KCNQ5: variants seen among roughly 807,000 people sequenced by gnomAD.
The protein encoded by KCNQ5 is potassium voltage-gated channel subfamily KQT member 5.
KCNQ5 carries 30 observed loss-of-function variants against 98.2 expected under a neutral mutation model. The ratio of observed to expected loss-of-function variants is 0.31; its 90% CI spans 0.23 to 0.41. The LOEUF (loss-of-function observed/expected upper bound fraction) is 0.41, where lower values mean the gene tolerates loss of function less well. Among genes scored for constraint, KCNQ5 ranks in the 10% least tolerant of loss-of-function variants. The probability of loss-of-function intolerance (pLI) is 1.00; values close to 1 mark genes in which losing one functional copy is unlikely to be tolerated. For missense variants in KCNQ5, 835 were observed against 1,182.5 expected, an observed-to-expected ratio of 0.71 and a Z score of 4.31; for synonymous variants, 458 against 449.4, an observed-to-expected ratio of 1.02 and a Z score of -0.24.
intron 1 of KCNQ5, among the ~76,000 whole-genome samples, chr6:72,722,237 C>T (rs1770006449): frequency 6.6e-6 from 1 of 152,210 alleles, no homozygotes. Flanking sequence ...TAAGATAATA[C>T]AAGGCATACT....
intron 1 of KCNQ5, among the ~76,000 whole-genome samples, chr6:72,818,411 C>G (rs186074571): frequency 1.3e-5 from 2 of 151,984 alleles, no homozygotes; most frequent in Non-Finnish European, 2.9e-5. Flanking sequence ...AATAAGCATA[C>G]TGCAAGAAGA....
chr6:72,747,653 A>T (rs1771469196), intron 1 of KCNQ5, among the ~76,000 whole-genome samples: 1 of 152,200 alleles, frequency 6.6e-6, no homozygotes, highest in Non-Finnish European at 1.5e-5. Context: ...GGTTGTAAAA[A>T]TAGAAGCATA....
At chr6:73,161,246 G>A (rs1340458349) in intron 10 of KCNQ5, among the ~76,000 whole-genome samples, 1 of 152,122 alleles carries the variant, frequency 6.6e-6, no homozygotes, top group Non-Finnish European at 1.5e-5. Context: ...TCATATGTGG[G>A]ACCGAAAAAA....
At chr6:72,973,628 T>C (rs1768010792) in intron 1 of KCNQ5, among the ~76,000 whole-genome samples, 1 of 152,214 alleles carries the variant, frequency 6.6e-6, no homozygotes, top group Non-Finnish European at 1.5e-5. Context: ...TGGTTAGTTT[T>C]CTATTGCTTT....
At chr6:72,686,518 T>C (rs961420185) in intron 1 of KCNQ5, among the ~76,000 whole-genome samples, 8 of 152,202 alleles carry the variant, frequency 5.3e-5, no homozygotes, top group African/African-American at 1.9e-4. Context: ...ATCCTTTTCT[T>C]ATGTGTATGT....
chr6:72,627,163 G>A (rs1288841178), intron 1 of KCNQ5, among the ~76,000 whole-genome samples: 2 of 152,170 alleles, frequency 1.3e-5, no homozygotes, highest in African/African-American at 4.8e-5. Flanking sequence ...TGAATGAATG[G>A]AATCATTTAC....
chr6:72,762,431 A>G (rs1772337178), intron 1 of KCNQ5, among the ~76,000 whole-genome samples: 1 of 152,024 alleles, frequency 6.6e-6, no homozygotes, highest in Non-Finnish European at 1.5e-5. Context: ...AAAAAAATAG[A>G]ATACGTTTTA....
chr6:72,659,110 T>G (rs1766373138), intron 1 of KCNQ5, among the ~76,000 whole-genome samples: 1 of 152,216 alleles, frequency 6.6e-6, no homozygotes, highest in African/African-American at 2.4e-5. Context: ...TTCTTGCAAC[T>G]TTCCATCTCT....
intron 10 of KCNQ5, among the ~76,000 whole-genome samples, chr6:73,138,667 CTCA>C (rs1776576952): frequency 6.6e-6 from 1 of 152,184 alleles, no homozygotes; most frequent in Non-Finnish European, 1.5e-5. Flanking sequence ...ATCCTCAGTG[CTCA>C]TGTTAGCTGC....
intron 1 of KCNQ5, among the ~76,000 whole-genome samples, chr6:72,817,795 G>T (rs149512459): frequency 0.029 from 4,439 of 152,204 alleles, 216 homozygotes; most frequent in African/African-American, 0.1. Context: ...TCAGGAGGCT[G>T]AGGTGGGAGG....
At chr6:72,632,693 T>G (rs1201283296) in intron 1 of KCNQ5, among the ~76,000 whole-genome samples, 1 of 152,224 alleles carries the variant, frequency 6.6e-6, no homozygotes, top group African/African-American at 2.4e-5. Context: ...TGGTTTTCTT[T>G]TCTTACATTA....
At chr6:72,654,577 A>G (rs754276799) in intron 1 of KCNQ5, among the ~76,000 whole-genome samples, 2 of 152,098 alleles carry the variant, frequency 1.3e-5, no homozygotes, top group Non-Finnish European at 2.9e-5. Context: ...AAAGTCCCCA[A>G]TGACACAAGA....
chr6:72,629,155 G>C (rs2098919488), intron 1 of KCNQ5, among the ~76,000 whole-genome samples: 1 of 152,182 alleles, frequency 6.6e-6, no homozygotes, highest in African/African-American at 2.4e-5. Flanking sequence ...CCTTGTGGCA[G>C]ATGGAATTTT....
chr6:72,802,248 T>A (rs1351673151), intron 1 of KCNQ5, among the ~76,000 whole-genome samples: 1 of 152,166 alleles, frequency 6.6e-6, no homozygotes, highest in East Asian at 1.9e-4. Flanking sequence ...ATTCTCCGCA[T>A]CACTTTCAGG....
At chr6:72,671,967 C>T (rs1209416445) in intron 1 of KCNQ5, among the ~76,000 whole-genome samples, 1 of 151,928 alleles carries the variant, frequency 6.6e-6, no homozygotes, top group East Asian at 1.9e-4. Context: ...CAGGCACCCG[C>T]CACCACGCCT....
At chr6:72,727,049 C>T (rs561204345) in intron 1 of KCNQ5, among the ~76,000 whole-genome samples, 1 of 152,288 alleles carries the variant, frequency 6.6e-6, no homozygotes, top group Non-Finnish European at 1.5e-5. Flanking sequence ...AGTTGGTTAA[C>T]TACTATAATA....
At chr6:72,861,255 A>C (rs1211148702) in intron 1 of KCNQ5, among the ~76,000 whole-genome samples, 1 of 152,194 alleles carries the variant, frequency 6.6e-6, no homozygotes, top group African/African-American at 2.4e-5. Flanking sequence ...GGTTGTAACT[A>C]TGCAGACCAA....
intron 1 of KCNQ5, among the ~76,000 whole-genome samples, chr6:72,902,665 C>T (rs1400376376): frequency 6.6e-6 from 1 of 152,150 alleles, no homozygotes; most frequent in African/African-American, 2.4e-5. Context: ...ATATGTTAAA[C>T]TATCCCTGCA....
chr6:73,196,638 G>A lies in KCNQ5; in HGVS notation c.*1224G>A, dbSNP rs1013492566. On this transcript the variant is annotated 3_prime_UTR_variant, in exon 14 of 14. Transcript: ENST00000370398. ...CATTTTGCATATGAAAGTCTAAAAC[G>A]AAACTTCCTTTACTTTTTATACTGT... is the stretch of plus-strand genomic sequence containing the variant. 1.3e-5 allele frequency: 2 copies of A among 151,992 alleles called. No homozygotes were observed. Among genetic ancestry groups the A allele is most frequent in the African/African-American group, 2.4e-5 (1 of 41,408 alleles). 9.4% of individuals were successfully genotyped at this position (151,992 alleles called of 1,614,324 possible). A position where few individuals can be genotyped will look rare whatever the true frequency, so the allele number is the denominator to read the frequency against.
Sources: gnomAD v4.1 joint callset for allele counts (sites outside exome capture counted in the v4.1 genomes callset) on GRCh38, gnomAD v4.1.1 for gene constraint, MANE v1.5 for transcripts, NCBI Gene and HGNC (gene_info 2026-07-23, HGNC 2026-07-21) for gene names.